SLITRK2: variants seen among roughly 807,000 people sequenced by gnomAD.
SLITRK2 encodes SLIT and NTRK-like protein 2.
In SLITRK2, 13 loss-of-function variants were observed where a neutral mutation model predicts 35.4. That is an observed-to-expected ratio of 0.37 (90% CI 0.24 to 0.58). The LOEUF is 0.58. Ranked by LOEUF, SLITRK2 falls within the 20% of genes least tolerant of loss-of-function variation. SLITRK2 has a pLI of 0.75. For synonymous variants in SLITRK2, 294 were observed against 264.7 expected (o/e 1.11, Z -1.07); for missense variants, 471 against 634.3 (o/e 0.74, Z 2.76).
At position 145,821,592 on chromosome X, in the gene SLITRK2, G is replaced by C. The variant is rs782441148; in HGVS notation, c.-485G>C. 6.9e-4 allele frequency: 76 copies of C among 110,717 alleles called. No homozygotes were observed. The highest frequency in any genetic ancestry group is 2.4e-3 in the African/African-American group (74 of 30,406). The allele number at this position is 110,717 out of a possible 1,213,427, so 9.1% of individuals were successfully genotyped here. A position where few individuals can be genotyped will look rare whatever the true frequency, so the allele number is the denominator to read the frequency against. On this transcript the variant is annotated 5_prime_UTR_variant, in exon 3 of 5. Transcript: ENST00000335565. ...AATTGGAAACGCGCGCCCAGGCTCC[G>C]TCGTCGCCTTCGCCCGCCGACCGGG... is the stretch of plus-strand genomic sequence containing the variant.
In SLITRK2 at chrX:145,822,165, T is replaced by C; in HGVS notation, c.-44+12T>C. On this transcript the variant is annotated intron_variant, in intron 4 of 4. Coordinates refer to ENST00000335565, the MANE Select transcript of SLITRK2 (RefSeq NM_032539.5). ...CCCCGGGAAATCAGGTGCAAGCATG[T>C]GTGTTCCCGGGGCGCGTGTGTGGGT... 2.9e-6 allele frequency: 1 copy of C among 349,397 alleles called. No individual in the cohort carries two copies. Among genetic ancestry groups the C allele is most frequent in the South Asian group, 5.9e-5 (1 of 17,008 alleles). 28.8% of individuals were successfully genotyped at this position (349,397 alleles called of 1,213,427 possible). A position where few individuals can be genotyped will look rare whatever the true frequency, so the allele number is the denominator to read the frequency against.
chrX:145,827,822 G>A lies in SLITRK2; in HGVS notation c.*2859G>A. ...ATTCTGTTTTGCTTTATCTGCTCAA[G>A]CACTTTCGACCATATTTTATTTTAG... On this transcript the variant is annotated 3_prime_UTR_variant, in exon 5 of 5. Transcript: ENST00000335565. 6.6e-6 allele frequency: 8 copies of A among 1,211,633 alleles called. No homozygotes were observed. The highest frequency in any genetic ancestry group is 8.9e-6 in the Non-Finnish European group (8 of 895,498).
At position 145,822,591 on chromosome X, in the gene SLITRK2, C is replaced by T. The variant is rs1045767858; in HGVS notation, c.166C>T (p.Leu56=). 16 of 1,209,667 alleles carry T rather than the reference C, an allele frequency of 1.3e-5. No individual in the cohort carries two copies. In the Admixed American group the frequency reaches 3.1e-4, roughly 23 times the overall value. Residue 56 remains leucine (L), a synonymous_variant, in exon 5 of 5, where the codon CTG becomes TTG. Transcript: ENST00000335565. ...CENKGFTTVS[L]LQPPQYRIYQ... ...GAACAAAGGATTTACAACAGTTAGC[C>T]TGCTCCAGCCCCCCCAGTATCGAAT...
Position 145,823,136 on chromosome X carries a change from T to C in SLITRK2, c.711T>C (p.Phe237=), listed in dbSNP as rs1556944108. 17 of 1,211,666 alleles carry C rather than the reference T, an allele frequency of 1.4e-5. No individual in the cohort carries two copies. The highest frequency in any genetic ancestry group is 1.9e-5 in the Non-Finnish European group (17 of 895,530). Residue 237 remains phenylalanine, a synonymous_variant, in exon 5 of 5, where the codon TTT becomes TTC. Transcript: ENST00000335565. ...CCTGGCTAGACACCATAACTGTTTT[T>C]GTGGGAGAGATTGTCTGTGAGACTC... ...LKAWLDTITV[F]VGEIVCETPF...
chrX:145,821,115 T>TCACACA (rs1569505952), intron 2 of SLITRK2: 1 of 56,455 alleles, frequency 1.8e-5, no homozygotes, highest in African/African-American at 7.4e-5. Flanking sequence ...TCTCTCTCTC[T>TCACACA]CTCTCTCACT....
In SLITRK2 at chrX:145,822,144, G is replaced by A; in HGVS notation, c.-53G>A. 1 of 305,009 alleles carries A rather than the reference G, an allele frequency of 3.3e-6. No homozygotes were observed. The allele number at this position is 305,009 out of a possible 1,213,427, so 25.1% of individuals were successfully genotyped here. ...ACTTGGCGGCTGGCTGCGACCCCCCGGGAAATCAGGTGCAAGCATGTGTGT... is the reference window on the plus strand; with the variant it reads ...ACTTGGCGGCTGGCTGCGACCCCCCAGGAAATCAGGTGCAAGCATGTGTGT... On this transcript the variant is annotated 5_prime_UTR_variant, in exon 4 of 5. Coordinates refer to ENST00000335565, the MANE Select transcript of SLITRK2 (RefSeq NM_032539.5).
rs1351692543 is a variant in SLITRK2, at chrX:145,824,404, T to C, written c.1979T>C (p.Leu660Ser). Residue 660 changes from leucine to serine, a missense_variant, in exon 5 of 5, where the codon TTA becomes TCA. Leu to Ser is a moderately radical substitution (Grantham distance 145, BLOSUM62 -2). Coordinates refer to ENST00000335565, the MANE Select transcript of SLITRK2 (RefSeq NM_032539.5). ...AGCGTTCCCAGGAATACCAACAACT[T>C]AGACGTAAGCTCCTTTCAATTACAG... ...VPSVPRNTNN[L>S]DVSSFQLQYG... The C allele has an allele frequency of 3.8e-5, 46 of 1,208,642 alleles. No homozygotes were observed. The highest frequency in any genetic ancestry group is 4.7e-5 in the Non-Finnish European group (42 of 894,783).
At position 145,822,657 on chromosome X, in the gene SLITRK2, T is replaced by C. The variant is rs868932763; in HGVS notation, c.232T>C (p.Tyr78His). 2.5e-6 allele frequency: 3 copies of C among 1,211,825 alleles called. No individual in the cohort carries two copies. Among genetic ancestry groups the C allele is most frequent in the Non-Finnish European group, 3.3e-6 (3 of 895,543 alleles). ...CAATGGAAACCTCTTGACAAGACTG[T>C]ATCCAAACGAATTTGTCAATTACTC... ...FLNGNLLTRLYPNEFVNYSNA... is the reference protein window; with the variant it reads ...FLNGNLLTRLHPNEFVNYSNA... Residue 78 changes from tyrosine (Y) to histidine (H), a missense_variant, in exon 5 of 5, where the codon TAT (tyrosine) becomes CAT (histidine). Coordinates refer to ENST00000335565, the MANE Select transcript of SLITRK2 (RefSeq NM_032539.5).
At position 145,822,662 on chromosome X, in the gene SLITRK2, A is replaced by T. The variant is rs782334037; in HGVS notation, c.237A>T (p.Pro79=). The part of the protein sequence containing the change: ...LNGNLLTRLY[P]NEFVNYSNAV... ...GAAACCTCTTGACAAGACTGTATCCAAACGAATTTGTCAATTACTCCAACG... is the reference window on the plus strand; with the variant it reads ...GAAACCTCTTGACAAGACTGTATCCTAACGAATTTGTCAATTACTCCAACG... The change falls in exon 5 of 5, where the codon CCA becomes CCT. Residue 79 remains proline, a synonymous_variant. Transcript: ENST00000335565. The T allele has an allele frequency of 1.7e-6, 2 of 1,211,985 alleles. No homozygotes were observed. The highest frequency in any genetic ancestry group is 2.2e-6 in the Non-Finnish European group (2 of 895,604).
In SLITRK2 at chrX:145,824,788, A is replaced by G. The variant is rs2073095284; in HGVS notation, c.2363A>G (p.Tyr788Cys). The change falls in exon 5 of 5, where the codon TAT (tyrosine) becomes TGT (cysteine). Residue 788 changes from tyrosine to cysteine, a missense_variant. Coordinates refer to ENST00000335565, the MANE Select transcript of SLITRK2 (RefSeq NM_032539.5). ...TLPKRQFAPS[Y>C]ESRRQNQDRI... Reference sequence around the variant, plus strand: ...CCTAAAAGGCAGTTTGCCCCTTCCTATGAATCTCGACGCCAAAACCAAGAC... The same window carrying G: ...CCTAAAAGGCAGTTTGCCCCTTCCTGTGAATCTCGACGCCAAAACCAAGAC... 1.7e-6 allele frequency: 2 copies of G among 1,211,592 alleles called. No individual in the cohort carries two copies. Among genetic ancestry groups the G allele is most frequent in the Non-Finnish European group, 2.2e-6 (2 of 895,530 alleles).
rs1305062336 is a variant in SLITRK2 at position 145,826,695 on chromosome X, G to A, written c.*1732G>A. 2 of 112,159 alleles carry A rather than the reference G, an allele frequency of 1.8e-5. No homozygotes were observed. The highest frequency in any genetic ancestry group is 6.5e-5 in the African/African-American group (2 of 30,910). The allele number at this position is 112,159 out of a possible 1,213,427, so 9.2% of individuals were successfully genotyped here. ...GCTTTTCAATTCCTTATTAAAGCAA[G>A]CGATGGCGTCTGAAAGAAGCACACT... On this transcript the variant is annotated 3_prime_UTR_variant, in exon 5 of 5. Transcript: ENST00000335565.
Position 145,822,820 on chromosome X carries a change from G to T in SLITRK2, c.395G>T (p.Gly132Val). Reference sequence around the variant, plus strand: ...ATATTGAGGGAGGACACCTTCCTAGGCCTGGAGAGCCTGGAGTATCTCCAG... The same window carrying T: ...ATATTGAGGGAGGACACCTTCCTAGTCCTGGAGAGCCTGGAGTATCTCCAG... ...LEILREDTFL[G>V]LESLEYLQAD... The change falls in exon 5 of 5, where the codon GGC becomes GTC. Residue 132 changes from glycine (G) to valine (V), a missense_variant. Coordinates refer to ENST00000335565, the MANE Select transcript of SLITRK2 (RefSeq NM_032539.5). 8.3e-7 allele frequency: 1 copy of T among 1,209,696 alleles called. No homozygotes were observed. The highest frequency in any genetic ancestry group is 1.1e-6 in the Non-Finnish European group (1 of 894,588).
intron 1 of SLITRK2, chrX:145,818,372 G>A (rs1203222955): frequency 2.7e-5 from 3 of 112,516 alleles, no homozygotes; most frequent in Non-Finnish European, 5.6e-5. Flanking sequence ...TGGCCGTCGC[G>A]GCTGTAGGTC....
In SLITRK2 at chrX:145,825,229, T is replaced by A; in HGVS notation, c.*266T>A. On this transcript the variant is annotated 3_prime_UTR_variant, in exon 5 of 5. Coordinates refer to ENST00000335565, the MANE Select transcript of SLITRK2 (RefSeq NM_032539.5). ...TCTTCTTAGGAACCATCAGTGGACATGAATGTTTCTACAATGCATTTCTTC... is the reference window on the plus strand; with the variant it reads ...TCTTCTTAGGAACCATCAGTGGACAAGAATGTTTCTACAATGCATTTCTTC... 1 of 293,875 alleles carries A rather than the reference T, an allele frequency of 3.4e-6. No homozygotes were observed. Among genetic ancestry groups the A allele is most frequent in the Non-Finnish European group, 6.0e-6 (1 of 166,769 alleles). The allele number at this position is 293,875 out of a possible 1,213,427, so 24.2% of individuals were successfully genotyped here. A position where few individuals can be genotyped will look rare whatever the true frequency, so the allele number is the denominator to read the frequency against.
rs1556945669 is a variant in SLITRK2 at position 145,825,514 on chromosome X, CT to C, written c.*554del. 8.1e-6 allele frequency: 1 copy of C among 123,479 alleles called. No homozygotes were observed. Among genetic ancestry groups the C allele is most frequent in the East Asian group, 2.8e-4 (1 of 3,580 alleles). The allele number at this position is 123,479 out of a possible 1,213,427, so 10.2% of individuals were successfully genotyped here. On this transcript the variant is annotated 3_prime_UTR_variant, in exon 5 of 5. Transcript: ENST00000335565. ...TACTTTGTGTTAAAGTGCCTTCGCACTTTAAGTACATTACTTAAATGTTGCT... is the reference window on the plus strand; with the variant it reads ...TACTTTGTGTTAAAGTGCCTTCGCACTTAAGTACATTACTTAAATGTTGCT...
rs1556945032 is a variant in SLITRK2 at position 145,824,582 on chromosome X, C to G, written c.2157C>G (p.Ser719Arg). 8.3e-7 allele frequency: 1 copy of G among 1,210,351 alleles called. No homozygotes were observed. Among genetic ancestry groups the G allele is most frequent in the South Asian group, 1.8e-5 (1 of 56,739 alleles). The change falls in exon 5 of 5, where the codon AGC (serine) becomes AGG (arginine). Residue 719 changes from serine (S) to arginine (R), a missense_variant. Coordinates refer to ENST00000335565, the MANE Select transcript of SLITRK2 (RefSeq NM_032539.5). ...ATTACCGAAACCTGCAAGAGTTCAG[C>G]TATAGCAACCTGGAGGAGAAAAAAG... The part of the protein sequence containing the change: ...VAYYRNLQEF[S>R]YSNLEEKKEE...
In SLITRK2 at chrX:145,823,982, G is replaced by A. The variant is rs370329497; in HGVS notation, c.1557G>A (p.Pro519=). ...TGAAAGGGGTTCTGGATCAGCTCCC[G>A]GCTTTCATCCAGATAGATCTGCAGG... ...LPVKGVLDQL[P]AFIQIDLQEN... Residue 519 remains proline, a synonymous_variant, in exon 5 of 5, where the codon CCG becomes CCA. Transcript: ENST00000335565. 3.0e-5 allele frequency: 36 copies of A among 1,208,617 alleles called. No individual in the cohort carries two copies. Among genetic ancestry groups the A allele is most frequent in the Middle Eastern group, 2.3e-4 (1 of 4,346 alleles).
rs1228743648 is a variant in SLITRK2, at chrX:145,829,629, C to T, written c.*4666C>T. ...AGAGGGTATTCCATAAGCACATATT[C>T]CATAAAGTGCTCAGAGTCACAGGTT... is the stretch of plus-strand genomic sequence containing the variant. On this transcript the variant is annotated 3_prime_UTR_variant, in exon 5 of 5. Coordinates refer to ENST00000335565, the MANE Select transcript of SLITRK2 (RefSeq NM_032539.5). 4 of 123,464 alleles carry T rather than the reference C, an allele frequency of 3.2e-5. No homozygotes were observed. The highest frequency in any genetic ancestry group is 7.5e-5 in the Non-Finnish European group (4 of 53,326). 10.2% of individuals were successfully genotyped at this position (123,464 alleles called of 1,213,427 possible).
rs782334037 is a variant in SLITRK2, at chrX:145,822,662, A to C, written c.237A>C (p.Pro79=). The change falls in exon 5 of 5, where the codon CCA becomes CCC. Residue 79 remains proline (P), a synonymous_variant. Transcript: ENST00000335565. ...GAAACCTCTTGACAAGACTGTATCCAAACGAATTTGTCAATTACTCCAACG... is the reference window on the plus strand; with the variant it reads ...GAAACCTCTTGACAAGACTGTATCCCAACGAATTTGTCAATTACTCCAACG... The part of the protein sequence containing the change: ...LNGNLLTRLY[P]NEFVNYSNAV... The C allele has an allele frequency of 8.3e-7, 1 of 1,211,985 alleles. No individual in the cohort carries two copies. The highest frequency in any genetic ancestry group is 3.0e-5 in the East Asian group (1 of 33,828).
Sources: allele counts gnomAD v4.1 joint callset, GRCh38; gene constraint gnomAD v4.1.1; transcripts MANE v1.5; gene names NCBI Gene and HGNC (gene_info 2026-07-23, HGNC 2026-07-21).